The following RAPGEF2 variants were observed in gnomAD, a reference collection of about 807,000 sequenced individuals.
RAPGEF2 encodes the protein Rap guanine nucleotide exchange factor 2, also known as PDZ domain containing guanine nucleotide exchange factor (GEF) 1.
In RAPGEF2, 54 loss-of-function variants were observed where a neutral mutation model predicts 186.7. The observed-to-expected ratio is 0.29, with a 90% CI of 0.23 to 0.36. The LOEUF (loss-of-function observed/expected upper bound fraction) is 0.36. RAPGEF2 is among the 10% of genes least tolerant of loss of function. The pLI, the probability that RAPGEF2 is intolerant of heterozygous loss-of-function variation, is 1.00. For synonymous variants in RAPGEF2, 712 were observed against 705.9 expected (o/e 1.01, Z -0.14); for missense variants, 1,532 against 2,045.0 (o/e 0.75, Z 4.84).
intron 1 of RAPGEF2, among the ~76,000 whole-genome samples, chr4:159,159,153 C>T (rs1425076002): frequency 6.6e-6 from 1 of 152,204 alleles, no homozygotes; most frequent in African/African-American, 2.4e-5. Flanking sequence ...TTTTCCTCTG[C>T]CACCTCTGTG....
chr4:159,169,584 C>T (rs1486024184), intron 1 of RAPGEF2, among the ~76,000 whole-genome samples: 1 of 149,590 alleles, frequency 6.7e-6, no homozygotes. Context: ...TCCCCAACAG[C>T]CCCCCCTCCC....
intron 1 of RAPGEF2, among the ~76,000 whole-genome samples, chr4:159,156,994 A>G (rs1262418163): frequency 6.6e-6 from 1 of 152,166 alleles, no homozygotes; most frequent in African/African-American, 2.4e-5. Flanking sequence ...GGGCTCAGGA[A>G]TATGTATTAT....
intron 7 of RAPGEF2, chr4:159,267,173 C>G: frequency 7.8e-7 from 1 of 1,286,306 alleles, no homozygotes; most frequent in Non-Finnish European, 1.0e-6. Flanking sequence ...ACTACAGTGT[C>G]TTGCTTTCTG....
At chr4:159,187,678 T>C (rs1184969962) in intron 2 of RAPGEF2, among the ~76,000 whole-genome samples, 1 of 152,190 alleles carries the variant, frequency 6.6e-6, no homozygotes, top group Non-Finnish European at 1.5e-5. Flanking sequence ...TTTATGTTTA[T>C]CTGGGCTTCA....
intron 1 of RAPGEF2, among the ~76,000 whole-genome samples, chr4:159,116,234 T>A (rs1290492037): frequency 6.6e-6 from 1 of 151,782 alleles, no homozygotes; most frequent in Non-Finnish European, 1.5e-5. Flanking sequence ...ATAAACAAAT[T>A]TAGAAGAAAA....
rs1753612579 is a variant in RAPGEF2, at chr4:159,238,871, C to G, written c.344C>G (p.Ser115Cys). 1 of 1,514,214 alleles carries G rather than the reference C, an allele frequency of 6.6e-7. No individual in the cohort carries two copies. The highest frequency in any genetic ancestry group is 1.4e-5 in the African/African-American group (1 of 71,898). 93.8% of individuals were successfully genotyped at this position (1,514,214 alleles called of 1,614,324 possible). A position where few individuals can be genotyped will look rare whatever the true frequency, so the allele number is the denominator to read the frequency against. Residue 115 changes from serine to cysteine, a missense_variant, in exon 5 of 30, where the codon TCT becomes TGT. Physicochemically the swap from Ser to Cys is moderately radical, Grantham distance 112 (BLOSUM62 -1). This residue lies in a region of RAPGEF2 where 810 missense variants were observed against 1,210.5 expected (regional missense o/e 0.67). Transcript: ENST00000691494. ...RGCECIVLEPSEMIVVDYMDE... is the reference protein window; with the variant it reads ...RGCECIVLEPCEMIVVDYMDE... ...TGTGAATGCATTGTTTTAGAGCCTT[C>G]TGAAATGATTGTGGTAAGAGTATTT...
intron 7 of RAPGEF2, among the ~76,000 whole-genome samples, chr4:159,295,876 A>C (rs1372220421): frequency 6.6e-6 from 1 of 152,054 alleles, no homozygotes; most frequent in Non-Finnish European, 1.5e-5. Flanking sequence ...AAGCCACCTT[A>C]ATCTTTTATA....
At chr4:159,230,105 G>T (rs755586429) in intron 4 of RAPGEF2, among the ~76,000 whole-genome samples, 4 of 152,130 alleles carry the variant, frequency 2.6e-5, no homozygotes, top group Non-Finnish European at 2.9e-5. Context: ...AGACCATAGT[G>T]ATCACATTTT....
At chr4:159,155,758 C>T (rs769450485) in intron 1 of RAPGEF2, among the ~76,000 whole-genome samples, 2 of 150,330 alleles carry the variant, frequency 1.3e-5, no homozygotes, top group African/African-American at 2.5e-5. Context: ...CCTTATGCCT[C>T]ACAATGCACT....
At chr4:159,342,462 G>A (rs899492030) in intron 20 of RAPGEF2, among the ~76,000 whole-genome samples, 5 of 151,218 alleles carry the variant, frequency 3.3e-5, no homozygotes, top group African/African-American at 1.2e-4. Context: ...GATGTTGAGG[G>A]TGATTATTAA....
At chr4:159,104,547 A>G (rs1403455175) in intron 1 of RAPGEF2, among the ~76,000 whole-genome samples, 44 of 132,226 alleles carry the variant, frequency 3.3e-4, no homozygotes, top group African/African-American at 1.2e-3. Context: ...AGAGAGAGAG[A>G]GAGAGAGTGT....
At chr4:159,308,217 G>T (rs1217010506) in intron 8 of RAPGEF2, among the ~76,000 whole-genome samples, 1 of 152,138 alleles carries the variant, frequency 6.6e-6, no homozygotes, top group Non-Finnish European at 1.5e-5. Context: ...AGATGAAGAA[G>T]AGGATCCCTG....
rs761267054 is a variant in RAPGEF2, at chr4:159,356,107, G to A, written c.4906G>A (p.Asp1636Asn). 6.2e-7 allele frequency: 1 copy of A among 1,614,182 alleles called. No individual in the cohort carries two copies. Residue 1636 changes from aspartate to asparagine, a missense_variant, in exon 29 of 30, where the codon GAC (aspartate) becomes AAC (asparagine). By Grantham distance (23) the Asp-to-Asn change is conservative. Transcript: ENST00000691494. ...TCAGTGGCATAAACCGAACGAGTCT[G>A]ACCCGCGCCTCGCCCCCTATCAGTC... is the stretch of plus-strand genomic sequence containing the variant. ...KPQWHKPNES[D>N]PRLAPYQSQG... is the part of the protein sequence containing the mutation.
chr4:159,346,001 A>G (rs1052497463), intron 24 of RAPGEF2, among the ~76,000 whole-genome samples: 1 of 152,156 alleles, frequency 6.6e-6, no homozygotes, highest in Admixed American at 6.5e-5. Context: ...GGATTATTAG[A>G]TTTACCCAGG....
chr4:159,272,284 T>TTTCTAA (rs1288174075), intron 7 of RAPGEF2, among the ~76,000 whole-genome samples: 2 of 152,312 alleles, frequency 1.3e-5, no homozygotes, highest in Non-Finnish European at 2.9e-5. Flanking sequence ...TTAACCATAT[T>TTTCTAA]TTCTAAATTG....
chr4:159,107,727 AT>A (rs1738035141), intron 1 of RAPGEF2, among the ~76,000 whole-genome samples: 1 of 152,184 alleles, frequency 6.6e-6, no homozygotes, highest in African/African-American at 2.4e-5. Context: ...GTGAGTCATA[AT>A]GAGAGGGCTG....
intron 1 of RAPGEF2, among the ~76,000 whole-genome samples, chr4:159,117,801 G>T (rs948681519): frequency 5.3e-5 from 8 of 151,988 alleles, no homozygotes; most frequent in African/African-American, 1.9e-4. Flanking sequence ...ACTGGGCATT[G>T]ACATTTGTTC....
chr4:159,189,431 A>T (rs543568988), intron 2 of RAPGEF2, among the ~76,000 whole-genome samples: 8 of 152,298 alleles, frequency 5.3e-5, no homozygotes, highest in African/African-American at 1.7e-4. Flanking sequence ...TTATCCGTTT[A>T]GTTTATATAG....
At chr4:159,156,258 C>T (rs1306268675) in intron 1 of RAPGEF2, among the ~76,000 whole-genome samples, 1 of 152,200 alleles carries the variant, frequency 6.6e-6, no homozygotes, top group Non-Finnish European at 1.5e-5. Flanking sequence ...TGTCATTCTA[C>T]TTAACATCCC....
Sources: allele counts gnomAD v4.1 joint callset (sites outside exome capture counted in the v4.1 genomes callset), GRCh38; gene constraint gnomAD v4.1.1; regional missense constraint gnomAD v4.1.1; transcripts MANE v1.5; gene names NCBI Gene and HGNC (gene_info 2026-07-23, HGNC 2026-07-21).